The following PITPNC1 variants were observed in gnomAD, a reference collection of about 807,000 sequenced individuals.
PITPNC1 encodes cytoplasmic phosphatidylinositol transfer protein 1.
PITPNC1 carries 18 observed loss-of-function variants against 44.7 expected under a neutral mutation model. The ratio of observed to expected loss-of-function variants is 0.40; its 90% CI spans 0.28 to 0.60. The LOEUF (loss-of-function observed/expected upper bound fraction) is 0.60, where lower values mean the gene tolerates loss of function less well. Ranked by LOEUF, PITPNC1 falls within the 20% of genes least tolerant of loss-of-function variation. PITPNC1 has a pLI of 0.39. For missense variants in PITPNC1, 290 were observed against 418.4 expected (o/e 0.69, Z 2.68); for synonymous variants, 141 against 149.6 (o/e 0.94, Z 0.42).
intron 1 of PITPNC1, among the ~76,000 whole-genome samples, chr17:67,523,400 ACAGT>A (rs1402615050): frequency 1.3e-5 from 2 of 152,352 alleles, no homozygotes; most frequent in East Asian, 1.9e-4. Context: ...TCTGCAAGTC[ACAGT>A]CAGACATGTG....
intron 7 of PITPNC1, among the ~76,000 whole-genome samples, chr17:67,670,983 G>C (rs1258838381): frequency 6.6e-6 from 1 of 152,070 alleles, no homozygotes; most frequent in Admixed American, 6.6e-5. Context: ...CCGGGTTCAA[G>C]TGATTATCCT....
intron 1 of PITPNC1, among the ~76,000 whole-genome samples, chr17:67,476,348 G>T (rs375249901): frequency 1.3e-5 from 2 of 152,090 alleles, no homozygotes; most frequent in South Asian, 4.1e-4. Flanking sequence ...CACCATGCCC[G>T]GCTAATTTTT....
intron 1 of PITPNC1, among the ~76,000 whole-genome samples, chr17:67,522,438 C>G (rs907348181): frequency 4.3e-4 from 66 of 152,142 alleles, no homozygotes; most frequent in African/African-American, 1.6e-3. Context: ...CTCCCGTCTT[C>G]TAGGCTCAAT....
At chr17:67,390,773 C>T (rs1483809212) in intron 1 of PITPNC1, among the ~76,000 whole-genome samples, 1 of 152,208 alleles carries the variant, frequency 6.6e-6, no homozygotes, top group Non-Finnish European at 1.5e-5. Context: ...TGGCCACTGG[C>T]TTTGCAAACC....
intron 1 of PITPNC1, among the ~76,000 whole-genome samples, chr17:67,458,368 C>A (rs1475596280): frequency 6.6e-6 from 1 of 152,122 alleles, no homozygotes; most frequent in Admixed American, 6.5e-5. Flanking sequence ...TCTTTTATGC[C>A]TCATTGACCT....
chr17:67,428,798 TAAAAC>T (rs532496156), intron 1 of PITPNC1, among the ~76,000 whole-genome samples: 58 of 150,536 alleles, frequency 3.9e-4, no homozygotes, highest in Admixed American at 2.9e-3. Context: ...TTTATAAACT[TAAAAC>T]AAACATTAGT....
rs916588177 is a variant in PITPNC1, at chr17:67,560,840, A to C, written c.294+7223A>C. 3.7e-4 allele frequency among the ~76,000 whole-genome samples: 57 copies of C among 152,218 alleles called. 1 individual carries two copies. The highest frequency in any genetic ancestry group is 2.3e-3 in the Admixed American group (35 of 15,282). ...TACTGTAACAAAACATAACATTTTA[A>C]AATTGTTTGCATTTTTTTAACACCA... On this transcript the variant is annotated intron_variant, in intron 4 of 8. Coordinates refer to ENST00000581322, the MANE Select transcript of PITPNC1 (RefSeq NM_012417.4).
At chr17:67,668,840 C>T (rs552349385) in intron 6 of PITPNC1, among the ~76,000 whole-genome samples, 5 of 151,350 alleles carry the variant, frequency 3.3e-5, no homozygotes, top group South Asian at 4.2e-4. Flanking sequence ...CCAGCCTGGG[C>T]GACAGAGCGA....
intron 1 of PITPNC1, among the ~76,000 whole-genome samples, chr17:67,513,984 C>T (rs1216844205): frequency 6.6e-6 from 1 of 151,530 alleles, no homozygotes; most frequent in Non-Finnish European, 1.5e-5. Context: ...GAAGACCCGC[C>T]TCCATGATCA....
rs528471502 is a variant in PITPNC1 at position 67,377,728 on chromosome 17, G to C, written c.-427G>C. 8.0e-4 allele frequency: 126 copies of C among 158,154 alleles called. No homozygotes were observed. Among genetic ancestry groups the C allele is most frequent in the African/African-American group, 2.8e-3 (117 of 41,810 alleles). 9.8% of individuals were successfully genotyped at this position (158,154 alleles called of 1,614,324 possible). A position where few individuals can be genotyped will look rare whatever the true frequency, so the allele number is the denominator to read the frequency against. ...GGTCGCCAGGTTCCCGTCTGCTTTC[G>C]GAGGCGGATCGAGCGGGTGACTTTT... On this transcript the variant is annotated 5_prime_UTR_variant, in exon 1 of 9. Transcript: ENST00000581322.
intron 1 of PITPNC1, among the ~76,000 whole-genome samples, chr17:67,464,744 CTT>C (rs201595421): frequency 1.4e-5 from 2 of 146,926 alleles, no homozygotes; most frequent in Non-Finnish European, 1.5e-5. Context: ...AACTCTCTCA[CTT>C]TTTTTTTTTT....
Position 67,532,853 on chromosome 17 carries a change from G to A in PITPNC1, c.100G>A (p.Asp34Asn). Residue 34 changes from aspartate to asparagine, a missense_variant, in exon 2 of 9, where the codon GAC (aspartate) becomes AAC (asparagine). By Grantham distance (23) the Asp-to-Asn change is conservative (BLOSUM62 1). Transcript: ENST00000581322. ...MISKHSHEQSDRGEGVEVVQN... is the reference protein window; with the variant it reads ...MISKHSHEQSNRGEGVEVVQN... ...CAGCAAACACAGCCATGAACAGAGT[G>A]ACCGGGGAGAAGGGGTGGAGGTCGT... The A allele has an allele frequency of 6.3e-7, 1 of 1,593,322 alleles. No homozygotes were observed. Among genetic ancestry groups the A allele is most frequent in the Non-Finnish European group, 8.5e-7 (1 of 1,170,250 alleles).
intron 1 of PITPNC1, among the ~76,000 whole-genome samples, chr17:67,443,910 C>T (rs1174687543): frequency 6.6e-6 from 1 of 152,062 alleles, no homozygotes; most frequent in Non-Finnish European, 1.5e-5. Flanking sequence ...GCTGGGATTA[C>T]AGGCGTGAGT....
chr17:67,481,123 C>G (rs1210565027), intron 1 of PITPNC1, among the ~76,000 whole-genome samples: 2 of 152,248 alleles, frequency 1.3e-5, no homozygotes, highest in East Asian at 1.9e-4. Flanking sequence ...AGGAGAATCC[C>G]TTGAACCCAG....
In PITPNC1 at chr17:67,443,631, G is replaced by A. The variant is rs189185382; in HGVS notation, c.48+65429G>A. On this transcript the variant is annotated intron_variant, in intron 1 of 8. Transcript: ENST00000581322. ...AGGACAATAGGCAGAGAGGACACTG[G>A]TCTTTTTTTTTTTTTTTTTTGAGGG... Among the ~76,000 whole-genome samples the A allele has an allele frequency of 2.7e-3, 217 of 81,624 alleles. 2 individuals carry two copies. The highest frequency in any genetic ancestry group is 0.011 in the African/African-American group (209 of 18,892). The allele number at this position is 81,624 out of a possible 152,430, so 53.5% of individuals were successfully genotyped here.
chr17:67,479,665 T>G (rs1482923876), intron 1 of PITPNC1, among the ~76,000 whole-genome samples: 1 of 152,190 alleles, frequency 6.6e-6, no homozygotes, highest in Non-Finnish European at 1.5e-5. Flanking sequence ...TATGATTTTT[T>G]TTTCTGAAGG....
At chr17:67,587,391 G>A (rs2041334029) in intron 5 of PITPNC1, among the ~76,000 whole-genome samples, 1 of 152,134 alleles carries the variant, frequency 6.6e-6, no homozygotes, top group Non-Finnish European at 1.5e-5. Context: ...CTACTCAGGA[G>A]GCTGAGGTGG....
chr17:67,573,602 G>A lies in PITPNC1; in HGVS notation c.295-4584G>A, dbSNP rs143009711. ...TTTTGAGATGGAGGCTTGCTCTGTC[G>A]CCCAGGCTGGAGTGCAGTGGCGCAA... On this transcript the variant is annotated intron_variant, in intron 4 of 8. Coordinates refer to ENST00000581322, the MANE Select transcript of PITPNC1 (RefSeq NM_012417.4). Among the ~76,000 whole-genome samples, 1,059 of 122,330 alleles carry A rather than the reference G, an allele frequency of 8.7e-3. 8 individuals carry two copies. Among genetic ancestry groups the A allele is most frequent in the Middle Eastern group, 0.041 (6 of 146 alleles). The allele number at this position is 122,330 out of a possible 152,430, so 80.3% of individuals were successfully genotyped here.
At position 67,676,093 on chromosome 17, in the gene PITPNC1, G is replaced by C. The variant is rs1301224947; in HGVS notation, c.682+551G>C. Among the ~76,000 whole-genome samples the C allele has an allele frequency of 1.3e-5, 2 of 152,008 alleles. No individual in the cohort carries two copies. Among genetic ancestry groups the C allele is most frequent in the Non-Finnish European group, 2.9e-5 (2 of 68,006 alleles). ...ATGGTGGCAGGCACCTGTAGTCCCAGCTACTCAGGAGGCTGAGGCAGGAGA... is the reference window on the plus strand; with the variant it reads ...ATGGTGGCAGGCACCTGTAGTCCCACCTACTCAGGAGGCTGAGGCAGGAGA... On this transcript the variant is annotated intron_variant, in intron 8 of 8. Transcript: ENST00000581322. This position sits in a 1 kb window ranked among gnomAD's most constrained non-coding sequence, Gnocchi z 4.0.
Sources: allele counts gnomAD v4.1 joint callset (sites outside exome capture counted in the v4.1 genomes callset), GRCh38; gene constraint gnomAD v4.1.1; non-coding constraint Gnocchi (gnomAD v3.1); transcripts MANE v1.5; gene names NCBI Gene and HGNC (gene_info 2026-07-23, HGNC 2026-07-21).